Variants in CHST10 observed in about 807,000 individuals in gnomAD.
CHST10 encodes carbohydrate sulfotransferase 10.
A neutral mutation model predicts 34.7 loss-of-function variants in CHST10; 24 were observed. The observed-to-expected ratio is 0.69, with a 90% confidence interval of 0.50 to 0.97. The LOEUF (loss-of-function observed/expected upper bound fraction) is 0.97. Among genes scored for constraint, CHST10 ranks in the 50% least tolerant of loss-of-function variants. The pLI, the probability that CHST10 is intolerant of heterozygous loss-of-function variation, is 0.00. For synonymous variants in CHST10, 161 were observed against 169.3 expected, an observed-to-expected ratio of 0.95 and a Z score of 0.38; for missense variants, 402 against 452.1, an observed-to-expected ratio of 0.89 and a Z score of 1.00.
intron 3 of CHST10, 70 bp downstream of exon 3, chr2:100,406,506 T>C: frequency 6.3e-7 from 1 of 1,581,478 alleles, no homozygotes; most frequent in Non-Finnish European, 8.6e-7. Flanking sequence ...CATCTATGCA[T>C]GTACCTAGGA....
chr2:100,395,570 C>T lies in CHST10; in HGVS notation c.472G>A (p.Asp158Asn), dbSNP rs776607661. ...CGAGGAAGGCCGTTCTTCTCGTGGTCGTGCACCACGTTTTCGGGGATCTCC... is the reference window on the plus strand; with the variant it reads ...CGAGGAAGGCCGTTCTTCTCGTGGTTGTGCACCACGTTTTCGGGGATCTCC... ...IEEIPENVVH[D>N]HEKNGLPRLS... is the part of the protein sequence containing the mutation. Residue 158 changes from aspartate to asparagine, a missense_variant, in exon 6 of 7, where the codon GAC becomes AAC. Physicochemically the swap from Asp to Asn is conservative, Grantham distance 23 (BLOSUM62 1). Transcript: ENST00000264249. The T allele has an allele frequency of 3.5e-5, 56 of 1,613,930 alleles. No homozygotes were observed. The highest frequency in any genetic ancestry group is 3.8e-5 in the Non-Finnish European group (45 of 1,179,944).
At chr2:100,416,071 C>G (rs1676055154) in intron 1 of CHST10, among the ~76,000 whole-genome samples, 1 of 152,180 alleles carries the variant, frequency 6.6e-6, no homozygotes, top group Non-Finnish European at 1.5e-5. Context: ...TGTGGTCCAT[C>G]ATTGTTAGAA....
At chr2:100,398,224 C>T in intron 4 of CHST10, 82 bp from the exon 5 acceptor site, 1 of 932,898 alleles carries the variant, frequency 1.1e-6, no homozygotes. Flanking sequence ...TCCTGCTGGT[C>T]TATCCCCTCC....
intron 4 of CHST10, 119 bp from the exon 5 acceptor site, chr2:100,398,261 C>T: frequency 1.4e-6 from 1 of 700,902 alleles, no homozygotes; most frequent in East Asian, 2.6e-5. Context: ...TCTCTTCTTC[C>T]CTTCCTTGTC....
chr2:100,400,723 A>G (rs1675301763), intron 4 of CHST10, among the ~76,000 whole-genome samples: 1 of 152,054 alleles, frequency 6.6e-6, no homozygotes, highest in Non-Finnish European at 1.5e-5. Context: ...TTGTTGCCCA[A>G]GCTGGAGTGC....
chr2:100,412,596 C>G (rs1675891687), intron 2 of CHST10, among the ~76,000 whole-genome samples: 1 of 152,140 alleles, frequency 6.6e-6, no homozygotes, highest in South Asian at 2.1e-4. Flanking sequence ...GGTCCAGGAC[C>G]TCACCCCTTC....
chr2:100,397,762 C>G, intron 5 of CHST10, 146 bp downstream of exon 5: 2 of 644,248 alleles, frequency 3.1e-6, no homozygotes, highest in Non-Finnish European at 5.5e-6. Context: ...TAACAGGAAA[C>G]AACAAAAACA....
rs1674865045 is a variant in CHST10, at chr2:100,393,011, G to A, written c.*234C>T. On this transcript the variant is annotated 3_prime_UTR_variant, in exon 7 of 7. Transcript: ENST00000264249. ...CCCTCTGAGGTGAGCAAAGGCCAGC[G>A]ACATCCTAATGCACGCAGGGGTGTG... 1.4e-5 allele frequency: 8 copies of A among 565,918 alleles called. No individual in the cohort carries two copies. The highest frequency in any genetic ancestry group is 2.2e-5 in the Non-Finnish European group (7 of 317,642). The allele number at this position is 565,918 out of a possible 1,614,324, so 35.1% of individuals were successfully genotyped here.
At chr2:100,402,892 C>T (rs1186333031) in intron 3 of CHST10, among the ~76,000 whole-genome samples, 1 of 152,182 alleles carries the variant, frequency 6.6e-6, no homozygotes, top group Non-Finnish European at 1.5e-5. Flanking sequence ...CAACAATGAA[C>T]TCAAAGTGGA....
At chr2:100,404,431 G>T (rs1279785531) in intron 3 of CHST10, among the ~76,000 whole-genome samples, 1 of 152,180 alleles carries the variant, frequency 6.6e-6, no homozygotes, top group African/African-American at 2.4e-5. Flanking sequence ...ATTAAGGACC[G>T]CTGCGGTGCT....
intron 1 of CHST10, chr2:100,416,671 A>T (rs1676079656): frequency 3.1e-6 from 1 of 323,562 alleles, no homozygotes; most frequent in Admixed American, 3.9e-5. Context: ...AAAGCCCCAG[A>T]CTCTGGTTTT....
chr2:100,395,079 A>T (rs565900050), intron 6 of CHST10, among the ~76,000 whole-genome samples: 4 of 152,294 alleles, frequency 2.6e-5, no homozygotes, highest in African/African-American at 9.6e-5. Context: ...TGCTGGATGC[A>T]GCCCACACAA....
At chr2:100,396,008 T>C (rs1675042166) in intron 5 of CHST10, among the ~76,000 whole-genome samples, 1 of 152,104 alleles carries the variant, frequency 6.6e-6, no homozygotes, top group African/African-American at 2.4e-5. Flanking sequence ...TGGGGGAAAA[T>C]GCCAGAGAAG....
At chr2:100,395,484 T>C (rs1675012847) in intron 6 of CHST10, 25 bp downstream of exon 6, 2 of 1,593,466 alleles carry the variant, frequency 1.3e-6, no homozygotes, top group Non-Finnish European at 1.7e-6. Context: ...AACTCCCCCC[T>C]CCCCTTTGAG....
chr2:100,404,545 G>A (rs774814355), intron 3 of CHST10, among the ~76,000 whole-genome samples: 9 of 152,254 alleles, frequency 5.9e-5, no homozygotes, highest in Admixed American at 3.9e-4. Context: ...ACCCTGTTCT[G>A]CGCCTACACT....
At position 100,393,588 on chromosome 2, in the gene CHST10, T is replaced by C. The variant is rs1188147728; in HGVS notation, c.728A>G (p.Tyr243Cys). ...CCATCTGTGGTTCGGATCGCCGAGG[T>C]AGCGCACGAAATCTTCAAACTGGAT... ...RGIQFEDFVRYLGDPNHRWLD... is the reference protein window; with the variant it reads ...RGIQFEDFVRCLGDPNHRWLD... The change falls in exon 7 of 7, where the codon TAC (tyrosine) becomes TGC (cysteine). Residue 243 changes from tyrosine (Y) to cysteine (C), a missense_variant. Tyr to Cys is a radical substitution (Grantham distance 194). Coordinates refer to ENST00000264249, the MANE Select transcript of CHST10 (RefSeq NM_004854.5). 10 of 1,613,970 alleles carry C rather than the reference T, an allele frequency of 6.2e-6. No homozygotes were observed. Among genetic ancestry groups the C allele is most frequent in the African/African-American group, 2.7e-5 (2 of 74,886 alleles).
At position 100,398,145 on chromosome 2, in the gene CHST10, G is replaced by A. The variant is rs1675161200; in HGVS notation, c.193-3C>T. Reference sequence around the variant, plus strand: ...TCTGGAAGCTCCTTCCCAGTTGGCTGCAGGTGACACAGAGCAGAAGAGGCC... The same window carrying A: ...TCTGGAAGCTCCTTCCCAGTTGGCTACAGGTGACACAGAGCAGAAGAGGCC... On this transcript the variant is annotated splice_region_variant and splice_polypyrimidine_tract_variant and intron_variant, in intron 4 of 6. Coordinates refer to ENST00000264249, the MANE Select transcript of CHST10 (RefSeq NM_004854.5). 6.2e-7 allele frequency: 1 copy of A among 1,608,244 alleles called. No homozygotes were observed. Among genetic ancestry groups the A allele is most frequent in the Non-Finnish European group, 8.5e-7 (1 of 1,177,040 alleles).
At chr2:100,405,801 T>C (rs1675544969) in intron 3 of CHST10, among the ~76,000 whole-genome samples, 1 of 152,184 alleles carries the variant, frequency 6.6e-6, no homozygotes. Context: ...TCTGGCTTCC[T>C]CGTGCTTGCC....
In CHST10 at chr2:100,393,641, G is replaced by A; in HGVS notation, c.675C>T (p.Tyr225=). 6.2e-7 allele frequency: 1 copy of A among 1,614,160 alleles called. No homozygotes were observed. Among genetic ancestry groups the A allele is most frequent in the Non-Finnish European group, 8.5e-7 (1 of 1,180,046 alleles). The change falls in exon 7 of 7, where the codon TAC becomes TAT. Residue 225 remains tyrosine, a synonymous_variant. Coordinates refer to ENST00000264249, the MANE Select transcript of CHST10 (RefSeq NM_004854.5). Reference sequence around the variant, plus strand: ...CCCGGGTCTCTGTCCGGTTCCTCCTGTATTTTCTGATGATGCCAGGAGCAA... The same window carrying A: ...CCCGGGTCTCTGTCCGGTTCCTCCTATATTTTCTGATGATGCCAGGAGCAA... ...HEIAPGIIRK[Y]RRNRTETRGI...
Sources: allele counts gnomAD v4.1 joint callset (sites outside exome capture counted in the v4.1 genomes callset), GRCh38; gene constraint gnomAD v4.1.1; transcripts MANE v1.5; gene names NCBI Gene and HGNC (gene_info 2026-07-23, HGNC 2026-07-21).